TRPC5: variants seen among roughly 807,000 people sequenced by gnomAD.
The protein encoded by TRPC5 is short transient receptor potential channel 5.
TRPC5 carries 9 observed loss-of-function variants against 56.5 expected under a neutral mutation model. That is an observed-to-expected ratio of 0.16 (90% CI 0.10 to 0.28). The LOEUF is 0.28. TRPC5 is among the 10% of genes least tolerant of loss of function. The probability of loss-of-function intolerance (pLI) is 1.00; values close to 1 mark genes in which losing one functional copy is unlikely to be tolerated. For missense variants in TRPC5, 469 were observed against 748.9 expected (o/e 0.63, Z 4.36); for synonymous variants, 282 against 278.5 (o/e 1.01, Z -0.13).
chrX:111,910,366 C>T (rs977393407), intron 3 of TRPC5, among the ~76,000 whole-genome samples: 2 of 104,735 alleles, frequency 1.9e-5, no homozygotes, highest in Admixed American at 1.0e-4. Flanking sequence ...CTGCTTAACA[C>T]GATAACTGAT....
At chrX:111,982,523 A>G (rs1928109233) in intron 1 of TRPC5, among the ~76,000 whole-genome samples, 1 of 111,678 alleles carries the variant, frequency 9.0e-6, no homozygotes. Context: ...AGATCCTCTA[A>G]GGAATCTCCT....
intron 3 of TRPC5, among the ~76,000 whole-genome samples, chrX:111,881,548 T>C (rs1924222963): frequency 9.0e-6 from 1 of 111,698 alleles, no homozygotes; most frequent in Non-Finnish European, 1.9e-5. Context: ...CAGACCATTC[T>C]GATTGGCAGA....
At chrX:112,037,878 G>A (rs889523023) in intron 1 of TRPC5, among the ~76,000 whole-genome samples, 1 of 111,459 alleles carries the variant, frequency 9.0e-6, no homozygotes, top group Non-Finnish European at 1.9e-5. Flanking sequence ...ATGCATTGTG[G>A]GTAATTTTCC....
At chrX:111,857,958 A>G (rs757954746) in intron 3 of TRPC5, among the ~76,000 whole-genome samples, 1 of 112,372 alleles carries the variant, frequency 8.9e-6, no homozygotes, top group East Asian at 2.8e-4. Flanking sequence ...ATACCATCCA[A>G]CCTTTATCTT....
chrX:112,055,832 A>G (rs956629993), intron 1 of TRPC5, among the ~76,000 whole-genome samples: 7 of 109,452 alleles, frequency 6.4e-5, no homozygotes, highest in African/African-American at 2.3e-4. Flanking sequence ...TGAGTTAGAA[A>G]TCAAGAAAAC....
At chrX:112,044,330 T>C (rs766286906) in intron 1 of TRPC5, among the ~76,000 whole-genome samples, 2 of 111,664 alleles carry the variant, frequency 1.8e-5, no homozygotes, top group Non-Finnish European at 3.8e-5. Flanking sequence ...ATGAGACACC[T>C]GTATATATCA....
intron 7 of TRPC5, among the ~76,000 whole-genome samples, chrX:111,808,360 A>G (rs1334048270): frequency 9.3e-6 from 1 of 107,281 alleles, no homozygotes; most frequent in Non-Finnish European, 1.9e-5. Flanking sequence ...ACCCTTCCCA[A>G]TCTTTCCTCC....
rs1360273500 is a variant in TRPC5 at position 111,970,783 on chromosome X, T to TTTTTG, written c.-21-18343_-21-18342insCAAAA. On this transcript the variant is annotated intron_variant, in intron 1 of 10. Transcript: ENST00000262839. ...AGGCAAGTCACATTACCGTTTTTTT[T>TTTTTG]TTTTTTGACAGAGCCTTGCTCTGTC... Among the ~76,000 whole-genome samples, 86 of 106,471 alleles carry TTTTTG rather than the reference T, an allele frequency of 8.1e-4. 2 individuals are homozygous for TTTTTG. The highest frequency in any genetic ancestry group is 2.9e-3 in the African/African-American group (83 of 28,795). 92.5% of individuals were successfully genotyped at this position (106,471 alleles called of 115,157 possible). A position where few individuals can be genotyped will look rare whatever the true frequency, so the allele number is the denominator to read the frequency against.
At chrX:112,054,786 T>A (rs745754205) in intron 1 of TRPC5, among the ~76,000 whole-genome samples, 16 of 111,560 alleles carry the variant, frequency 1.4e-4, no homozygotes, top group African/African-American at 4.9e-4. Flanking sequence ...TCTCTCTCCA[T>A]CTCCTTGAAA....
intron 1 of TRPC5, among the ~76,000 whole-genome samples, chrX:112,078,437 T>C (rs1240892641): frequency 8.9e-6 from 1 of 112,190 alleles, no homozygotes; most frequent in Non-Finnish European, 1.9e-5. Flanking sequence ...GTTGTGGTTT[T>C]GCCACTGTTG....
chrX:111,881,254 G>A (rs956888464), intron 3 of TRPC5, among the ~76,000 whole-genome samples: 4 of 109,624 alleles, frequency 3.6e-5, no homozygotes, highest in African/African-American at 1.3e-4. Flanking sequence ...TCTGCTCACT[G>A]TAACCTCCAC....
At chrX:111,857,074 C>A (rs1380780180) in intron 3 of TRPC5, among the ~76,000 whole-genome samples, 1 of 111,384 alleles carries the variant, frequency 9.0e-6, no homozygotes, top group Admixed American at 9.6e-5. Context: ...GTGCTTAGAA[C>A]TATGCCTGGC....
intron 3 of TRPC5, among the ~76,000 whole-genome samples, chrX:111,857,951 C>G (rs758030): frequency 8.9e-6 from 1 of 112,372 alleles, no homozygotes; most frequent in Middle Eastern, 4.6e-3. Context: ...GGTGGATATA[C>G]CATCCAACCT....
At chrX:112,029,031 A>G (rs749160156) in intron 1 of TRPC5, among the ~76,000 whole-genome samples, 2 of 112,278 alleles carry the variant, frequency 1.8e-5, no homozygotes, top group South Asian at 7.4e-4. Flanking sequence ...AAAATACGCA[A>G]TGTATTATTG....
Position 112,052,622 on chromosome X carries a change from A to C in TRPC5, c.-22+29257T>G, listed in dbSNP as rs181553809. 3.1e-3 allele frequency among the ~76,000 whole-genome samples: 351 copies of C among 111,506 alleles called. 1 individual carries two copies. Among genetic ancestry groups the C allele is most frequent in the Non-Finnish European group, 4.7e-3 (248 of 52,991 alleles). ...AGTCCTTTGATGCACAGATGTTTTAAATTTTGATGTAGTATAATTTCTCTG... is the reference window on the plus strand; with the variant it reads ...AGTCCTTTGATGCACAGATGTTTTACATTTTGATGTAGTATAATTTCTCTG... On this transcript the variant is annotated intron_variant, in intron 1 of 10. Coordinates refer to ENST00000262839, the MANE Select transcript of TRPC5 (RefSeq NM_012471.3).
Position 111,774,032 on chromosome X carries a change from C to T in TRPC5, c.*2281G>A, listed in dbSNP as rs774383893. Among the ~76,000 whole-genome samples the T allele has an allele frequency of 6.5e-4, 72 of 111,474 alleles. No homozygotes were observed. Among genetic ancestry groups the T allele is most frequent in the Non-Finnish European group, 1.2e-3 (61 of 53,011 alleles). On this transcript the variant is annotated 3_prime_UTR_variant, in exon 11 of 11. Transcript: ENST00000262839. ...CACTATAGCTAGTAAAGTCTTAAGC[C>T]CAAGTCACAACGATAACCCTGAGAA...
chrX:111,804,756 A>AGAC (rs1921441633), intron 7 of TRPC5, among the ~76,000 whole-genome samples: 2 of 110,999 alleles, frequency 1.8e-5, no homozygotes, highest in South Asian at 7.6e-4. Context: ...TTTTGGGCTG[A>AGAC]GATGGGGTTT....
intron 7 of TRPC5, among the ~76,000 whole-genome samples, chrX:111,808,258 A>G (rs1429590051): frequency 1.8e-5 from 2 of 110,724 alleles, no homozygotes; most frequent in Non-Finnish European, 3.8e-5. Flanking sequence ...GAGATACCAT[A>G]CAGGAGCCAG....
At chrX:111,967,786 C>T (rs1156261673) in intron 1 of TRPC5, among the ~76,000 whole-genome samples, 7 of 111,738 alleles carry the variant, frequency 6.3e-5, no homozygotes, top group African/African-American at 2.0e-4. Flanking sequence ...AAAGCTGAAA[C>T]TGGATCCCTT....
Sources: gnomAD v4.1 joint callset for allele counts (sites outside exome capture counted in the v4.1 genomes callset) on GRCh38, gnomAD v4.1.1 for gene constraint, MANE v1.5 for transcripts, NCBI Gene and HGNC (gene_info 2026-07-23, HGNC 2026-07-21) for gene names.